ZNF676: variants seen among roughly 807,000 people sequenced by gnomAD.
ZNF676 encodes zinc finger protein 676.
In ZNF676, 4 loss-of-function variants were observed where a neutral mutation model predicts 6.0. The observed-to-expected ratio is 0.67, with a 90% CI of 0.33 to 1.53. ZNF676 has a LOEUF of 1.53. ZNF676 is among the 40% of genes most tolerant of loss of function. The probability of loss-of-function intolerance (pLI) is 0.06; values close to 1 mark genes in which losing one functional copy is unlikely to be tolerated. For missense variants in ZNF676, 644 were observed against 679.7 expected (o/e 0.95, Z 0.58); for synonymous variants, 198 against 223.1 (o/e 0.89, Z 1.00).
chr19:22,195,573 G>A (rs563595753), intron 1 of ZNF676, among the ~76,000 whole-genome samples: 1 of 152,312 alleles, frequency 6.6e-6, no homozygotes, highest in Non-Finnish European at 1.5e-5. Flanking sequence ...TGGAGAACTG[G>A]ATGCAGAGGC....
chr19:22,197,220 G>C (rs1368187588), upstream of ZNF676, among the ~76,000 whole-genome samples: 1 of 151,832 alleles, frequency 6.6e-6, no homozygotes, highest in Non-Finnish European at 1.5e-5. Context: ...TACTCGGGAG[G>C]CTGAGGCAGG....
At chr19:22,208,061 G>A (rs764883783) in intron 1 of ZNF676, among the ~76,000 whole-genome samples, 1 of 150,352 alleles carries the variant, frequency 6.7e-6, no homozygotes, top group Non-Finnish European at 1.5e-5. Context: ...ATTTCATGAT[G>A]AAGATATCAA....
chr19:22,207,983 T>TAAAAAAAAA (rs59890557), intron 1 of ZNF676, among the ~76,000 whole-genome samples: 1 of 129,208 alleles, frequency 7.7e-6, no homozygotes, highest in African/African-American at 2.8e-5. Context: ...TTAAAAATTA[T>TAAAAAAAAA]AAAAAAAAAA....
At chr19:22,241,144 CT>C in the ZNF676 span, among the ~76,000 whole-genome samples, 2 of 151,962 alleles carry the variant, frequency 1.3e-5, no homozygotes, top group Admixed American at 1.3e-4. Context: ...ATAATCCCTA[CT>C]GGGGGCTGGA....
At chr19:22,184,831 A>G (rs1485979372) in intron 2 of ZNF676, among the ~76,000 whole-genome samples, 1 of 70,206 alleles carries the variant, frequency 1.4e-5, no homozygotes, top group Admixed American at 1.6e-4. Context: ...TCTTTGAAAA[A>G]AAAAAAAAAA....
the ZNF676 span, among the ~76,000 whole-genome samples, chr19:22,255,584 A>G: frequency 6.6e-6 from 1 of 152,118 alleles, no homozygotes; most frequent in South Asian, 2.1e-4. Context: ...AGTGGCTCAC[A>G]CTTGTAATGC....
chr19:22,197,345 T>C (rs1363458705), upstream of ZNF676, among the ~76,000 whole-genome samples: 2 of 151,672 alleles, frequency 1.3e-5, no homozygotes, highest in African/African-American at 2.4e-5. Flanking sequence ...ATTCATCGTG[T>C]GTATTTTTCA....
At chr19:22,237,637 G>T in the ZNF676 span, among the ~76,000 whole-genome samples, 1 of 152,206 alleles carries the variant, frequency 6.6e-6, no homozygotes, top group Non-Finnish European at 1.5e-5. Context: ...GGCCATCACA[G>T]TTGCCTCAGG....
chr19:22,192,941 A>C (rs2023926831), intron 2 of ZNF676, 75 bp downstream of exon 2: 1 of 1,404,152 alleles, frequency 7.1e-7, no homozygotes, highest in African/African-American at 1.5e-5. Context: ...ACAGCTTCCC[A>C]AATGACTTTA....
the ZNF676 span, among the ~76,000 whole-genome samples, chr19:22,236,879 AG>A: frequency 6.6e-6 from 1 of 152,224 alleles, no homozygotes. Flanking sequence ...CCATTACAGT[AG>A]CTATGCCCAC....
At chr19:22,197,893 C>T (rs1356867164), upstream of ZNF676, among the ~76,000 whole-genome samples, 1 of 152,128 alleles carries the variant, frequency 6.6e-6, no homozygotes, top group Non-Finnish European at 1.5e-5. Flanking sequence ...ATTGCCCCCC[C>T]TCTGAAAGGT....
chr19:22,256,873 G>A, the ZNF676 span, among the ~76,000 whole-genome samples: 1 of 152,012 alleles, frequency 6.6e-6, no homozygotes, highest in African/African-American at 2.4e-5. Context: ...CAACTAGGTG[G>A]TGGACCCAGC....
Position 22,196,744 on chromosome 19 carries a change from A to G in ZNF676, c.-111T>C. On this transcript the variant is annotated 5_prime_UTR_variant, in exon 1 of 3. Transcript: ENST00000397121. ...AATGCTCCCTGGAAAACACACACAAACACATATATTTACCAATTGGTCATG... is the reference window on the plus strand; with the variant it reads ...AATGCTCCCTGGAAAACACACACAAGCACATATATTTACCAATTGGTCATG... The G allele has an allele frequency of 6.3e-7, 1 of 1,586,816 alleles. No homozygotes were observed.
chr19:22,191,676 G>A (rs1034205165), intron 2 of ZNF676, among the ~76,000 whole-genome samples: 8 of 152,196 alleles, frequency 5.3e-5, no homozygotes, highest in South Asian at 2.1e-4. Context: ...ACTGAGCAAC[G>A]TCCTGAAGGA....
At chr19:22,257,940 G>C in the ZNF676 span, among the ~76,000 whole-genome samples, 1 of 152,158 alleles carries the variant, frequency 6.6e-6, no homozygotes, top group African/African-American at 2.4e-5. Flanking sequence ...GAGCACCCAG[G>C]CATGACAAGA....
At chr19:22,242,996 T>C in the ZNF676 span, among the ~76,000 whole-genome samples, 3 of 151,842 alleles carry the variant, frequency 2.0e-5, no homozygotes, top group Admixed American at 6.6e-5. Flanking sequence ...TGCGGGCAAG[T>C]AACAGGCAGA....
At chr19:22,210,917 T>C (rs1298169756) in intron 1 of ZNF676, among the ~76,000 whole-genome samples, 7 of 152,176 alleles carry the variant, frequency 4.6e-5, no homozygotes, top group Non-Finnish European at 8.8e-5. Flanking sequence ...GACTTCAGGG[T>C]AAAACATTCT....
intron 1 of ZNF676, among the ~76,000 whole-genome samples, chr19:22,213,826 G>GT (rs1555775732): frequency 6.6e-6 from 1 of 152,130 alleles, no homozygotes; most frequent in African/African-American, 2.4e-5. Flanking sequence ...CAGTATCTTG[G>GT]TTTTTCCCCA....
rs187777413 is a variant in ZNF676, at chr19:22,213,595, A to G, written c.3+2037T>C. Reference sequence around the variant, plus strand: ...CTCCATACCTCAGGTTGTCTTATGAAAGATAAGAGGCTACACTCCATACCT... The same window carrying G: ...CTCCATACCTCAGGTTGTCTTATGAGAGATAAGAGGCTACACTCCATACCT... On this transcript the variant is annotated intron_variant, in intron 1 of 3. Transcript: ENST00000650058. Among the ~76,000 whole-genome samples, 241 of 140,734 alleles carry G rather than the reference A, an allele frequency of 1.7e-3. 2 individuals are homozygous for G. The highest frequency in any genetic ancestry group is 6.9e-3 in the African/African-American group (227 of 32,870). 92.3% of individuals were successfully genotyped at this position (140,734 alleles called of 152,430 possible).
Sources: allele counts gnomAD v4.1 joint callset (sites outside exome capture counted in the v4.1 genomes callset), GRCh38; gene constraint gnomAD v4.1.1; transcripts MANE v1.5; gene names NCBI Gene and HGNC (gene_info 2026-07-23, HGNC 2026-07-21).